PLXNA1: variants seen among roughly 807,000 people sequenced by gnomAD.
PLXNA1 encodes the protein plexin A1.
A neutral mutation model predicts 191.7 loss-of-function variants in PLXNA1; 77 were observed. That is an observed-to-expected ratio of 0.40 (90% confidence interval 0.33 to 0.49). The LOEUF (loss-of-function observed/expected upper bound fraction) is 0.49, where lower values mean the gene tolerates loss of function less well. PLXNA1 is among the 20% of genes least tolerant of loss of function. The pLI is 0.63. For synonymous variants in PLXNA1, 1,137 were observed against 1,156.4 expected, an observed-to-expected ratio of 0.98 and a Z score of 0.34; for missense variants, 2,110 against 2,660.2, an observed-to-expected ratio of 0.79 and a Z score of 4.55.
chr3:126,992,981 G>A (rs2078998726), intron 3 of PLXNA1, among the ~76,000 whole-genome samples: 2 of 152,156 alleles, frequency 1.3e-5, no homozygotes, highest in Non-Finnish European at 2.9e-5. Flanking sequence ...GCCCAGTGCA[G>A]CAGCTTAGAG....
chr3:127,007,471 G>A (rs2079074590), intron 8 of PLXNA1, among the ~76,000 whole-genome samples: 2 of 152,206 alleles, frequency 1.3e-5, no homozygotes, highest in African/African-American at 2.4e-5. Flanking sequence ...TTTCTGATGC[G>A]AGTACCCATG....
Position 127,005,178 on chromosome 3 carries a change from A to G in PLXNA1, c.1832A>G (p.Glu611Gly), listed in dbSNP as rs569605295. The change falls in exon 7 of 32, where the codon GAG (glutamate) becomes GGG (glycine). Residue 611 changes from glutamate (E) to glycine (G), a missense_variant. Glu to Gly is a moderately conservative substitution (Grantham distance 98). Around this residue, in one of 4 missense-constraint regions of PLXNA1, gnomAD observed 903 missense variants for 1,015.7 expected, o/e 0.89. Transcript: ENST00000393409. Reference protein sequence around the residue: ...EDFTESESVLEDGRIHCRSPS... With the variant: ...EDFTESESVLGDGRIHCRSPS... ...TTCACGGAATCTGAGAGCGTCCTGG[A>G]GGATGGCCGGATCCACTGCCGCTCA... The G allele has an allele frequency of 9.3e-6, 15 of 1,612,472 alleles. No individual in the cohort carries two copies. The highest frequency in any genetic ancestry group is 5.0e-5 in the Admixed American group (3 of 59,974).
chr3:127,004,334 A>G (rs1292200143), intron 4 of PLXNA1, among the ~76,000 whole-genome samples: 2 of 152,178 alleles, frequency 1.3e-5, no homozygotes, highest in East Asian at 3.9e-4. Context: ...AGACAGATGG[A>G]GAGGAACTCT....
chr3:126,997,617 G>A (rs780411625), intron 3 of PLXNA1, among the ~76,000 whole-genome samples: 3 of 152,252 alleles, frequency 2.0e-5, no homozygotes, highest in Admixed American at 6.5e-5. Context: ...CCTGGTGAGC[G>A]TGTGCCCGCC....
chr3:127,006,718 G>T (rs948314268), intron 8 of PLXNA1, among the ~76,000 whole-genome samples: 1 of 152,146 alleles, frequency 6.6e-6, no homozygotes, highest in African/African-American at 2.4e-5. Flanking sequence ...CCTCTGGTTG[G>T]TGCTGGCCCC....
Position 127,003,456 on chromosome 3 carries a change from A to G in PLXNA1, c.1504A>G (p.Met502Val). 1 of 1,609,330 alleles carries G rather than the reference A, an allele frequency of 6.2e-7. No homozygotes were observed. The highest frequency in any genetic ancestry group is 8.5e-7 in the Non-Finnish European group (1 of 1,177,550). The change falls in exon 4 of 32, where the codon ATG (methionine) becomes GTG (valine). Residue 502 changes from methionine to valine, a missense_variant. By Grantham distance (21) the Met-to-Val change is conservative. Coordinates refer to ENST00000393409, the MANE Select transcript of PLXNA1 (RefSeq NM_032242.4). ...CCCCAACCACCAGTACCTCTACGCC[A>G]TGACCGAGAAGCAGGTGGGTGCTGC... ...LSPNHQYLYA[M>V]TEKQVTRVPV...
rs370107235 is a variant in PLXNA1, at chr3:126,996,245, G to A, written c.1377+4679G>A. Among the ~76,000 whole-genome samples the A allele has an allele frequency of 4.6e-5, 7 of 152,254 alleles. 1 individual carries two copies. Among genetic ancestry groups the A allele is most frequent in the Non-Finnish European group, 7.4e-5 (5 of 68,026 alleles). ...GCAGCGTGGGAGGTGTCCTCCGCCC[G>A]GCCATCTTCCTCTCTGCAGACAGCT... On this transcript the variant is annotated intron_variant, in intron 3 of 31. Coordinates refer to ENST00000393409, the MANE Select transcript of PLXNA1 (RefSeq NM_032242.4).
chr3:127,014,211 G>T lies in PLXNA1; in HGVS notation c.2440G>T (p.Glu814Ter). ...AHLYKCPALR[E>*]SCGLCLKADP... ...CCTCTACAAGTGCCCGGCCCTGCGCGAGAGCTGCGGCCTCTGCCTCAAGGC... is the reference window on the plus strand; with the variant it reads ...CCTCTACAAGTGCCCGGCCCTGCGCTAGAGCTGCGGCCTCTGCCTCAAGGC... The change falls in exon 12 of 32, where the codon GAG becomes TAG. Residue 814 changes from glutamate to a stop codon, truncating the protein, a stop_gained. Coordinates refer to ENST00000393409, the MANE Select transcript of PLXNA1 (RefSeq NM_032242.4). LOFTEE classifies it high-confidence loss of function. The T allele has an allele frequency of 1.9e-6, 3 of 1,607,960 alleles. No homozygotes were observed. Among genetic ancestry groups the T allele is most frequent in the Non-Finnish European group, 2.5e-6 (3 of 1,176,846 alleles).
At chr3:127,015,154 AG>A (rs1249266740) in intron 14 of PLXNA1, 29 bp from the exon 15 acceptor site, 3 of 1,593,800 alleles carry the variant, frequency 1.9e-6, no homozygotes, top group Non-Finnish European at 2.6e-6. Context: ...GACTTTCCTG[AG>A]AGTTTCAGCA....
intron 3 of PLXNA1, among the ~76,000 whole-genome samples, chr3:126,992,418 G>A (rs1013126689): frequency 5.3e-5 from 8 of 152,012 alleles, no homozygotes; most frequent in East Asian, 1.9e-4. Context: ...ATGTGTGCCC[G>A]CGAGTGGGGC....
intron 5 of PLXNA1, 61 bp downstream of exon 5, chr3:127,004,772 G>C (rs543225069): frequency 6.3e-7 from 1 of 1,590,832 alleles, no homozygotes; most frequent in African/African-American, 1.3e-5. Flanking sequence ...CACAGTGGGG[G>C]AGGGGGAGCC....
At position 127,014,038 on chromosome 3, in the gene PLXNA1, G is replaced by A. The variant is rs1206635599; in HGVS notation, c.2332G>A (p.Asp778Asn). Reference sequence around the variant, plus strand: ...CTAACAGTACTCCTACGAGGGGAACGATGTCAGCGACCTGCCAGTGAACCT... The same window carrying A: ...CTAACAGTACTCCTACGAGGGGAACAATGTCAGCGACCTGCCAGTGAACCT... ...QNSSYSYEGN[D>N]VSDLPVNLSV... Residue 778 changes from aspartate (D) to asparagine (N), a missense_variant, in exon 11 of 32, where the codon GAT (aspartate) becomes AAT (asparagine). Coordinates refer to ENST00000393409, the MANE Select transcript of PLXNA1 (RefSeq NM_032242.4). 5 of 1,613,842 alleles carry A rather than the reference G, an allele frequency of 3.1e-6. No individual in the cohort carries two copies. Among genetic ancestry groups the A allele is most frequent in the Non-Finnish European group, 3.4e-6 (4 of 1,179,952 alleles).
At chr3:127,026,664 C>T (rs2079177910) in intron 23 of PLXNA1, 1 of 152,262 alleles carries the variant, frequency 6.6e-6, no homozygotes, top group Non-Finnish European at 1.5e-5. Context: ...GTCTTAACAG[C>T]TGTCTCTCTA....
chr3:126,991,633 A>C, intron 3 of PLXNA1, 67 bp downstream of exon 3: 1 of 1,455,346 alleles, frequency 6.9e-7, no homozygotes, highest in Middle Eastern at 2.6e-4. Context: ...CGGCCGTCCC[A>C]GGTGGCAGGC....
At chr3:127,015,346 G>T (rs1249957792) in intron 15 of PLXNA1, 26 bp downstream of exon 15, 3 of 1,584,812 alleles carry the variant, frequency 1.9e-6, no homozygotes, top group Middle Eastern at 3.4e-4. Flanking sequence ...GGGGGTGGGG[G>T]CCTGGCTGCC....
intron 2 of PLXNA1, among the ~76,000 whole-genome samples, 190 bp from the exon 3 acceptor site, chr3:126,991,194 A>G (rs565215733): frequency 6.6e-6 from 1 of 152,222 alleles, no homozygotes; most frequent in South Asian, 2.1e-4. Flanking sequence ...CTTAGCTGGG[A>G]GCCCGCCCTC....
rs2078981682 is a variant in PLXNA1 at position 126,989,742 on chromosome 3, C to T, written c.1149C>T (p.Leu383=). 1 of 1,612,572 alleles carries T rather than the reference C, an allele frequency of 6.2e-7. No individual in the cohort carries two copies. The highest frequency in any genetic ancestry group is 8.5e-7 in the Non-Finnish European group (1 of 1,179,802). ...CCTGCTACCGTGGTGAGGGCAAGCT[C>T]TCCCTGCCGTGGCTGCTCAACAAGG... The part of the protein sequence containing the change: ...IQSCYRGEGK[L]SLPWLLNKEL... Residue 383 remains leucine (L), a synonymous_variant, in exon 2 of 32, where the codon CTC becomes CTT. Transcript: ENST00000393409.
At chr3:127,026,111 G>C (rs775414744) in intron 23 of PLXNA1, among the ~76,000 whole-genome samples, 15 of 152,330 alleles carry the variant, frequency 9.8e-5, no homozygotes, top group Non-Finnish European at 2.1e-4. Context: ...GGAGGAGTCT[G>C]AGGTCTTCCT....
intron 3 of PLXNA1, among the ~76,000 whole-genome samples, chr3:126,999,052 G>T (rs1576673178): frequency 6.6e-6 from 1 of 152,226 alleles, no homozygotes; most frequent in Non-Finnish European, 1.5e-5. Flanking sequence ...ACAGCTGGAG[G>T]AGGGGGCAGT....
Sources: allele counts gnomAD v4.1 joint callset (sites outside exome capture counted in the v4.1 genomes callset), GRCh38; gene constraint gnomAD v4.1.1; regional missense constraint gnomAD v4.1.1; transcripts MANE v1.5; gene names NCBI Gene and HGNC (gene_info 2026-07-23, HGNC 2026-07-21).